RANBP2: variants seen among roughly 807,000 people sequenced by gnomAD.
RANBP2 encodes E3 SUMO-protein ligase RanBP2.
In RANBP2, 57 loss-of-function variants were observed where a neutral mutation model predicts 303.6. The ratio of observed to expected loss-of-function variants is 0.19; its 90% CI spans 0.15 to 0.23. RANBP2 has a LOEUF of 0.23. RANBP2 is among the 10% of genes least tolerant of loss of function. RANBP2 has a pLI of 1.00. For missense variants in RANBP2, 3,138 were observed against 3,780.8 expected, an observed-to-expected ratio of 0.83 and a Z score of 4.46; for synonymous variants, 1,167 against 1,301.5, an observed-to-expected ratio of 0.90 and a Z score of 2.23.
chr2:108,978,528 T>C, the RANBP2 span, among the ~76,000 whole-genome samples: 117,905 of 152,202 alleles, frequency 0.77, 47,208 homozygotes, highest in South Asian at 0.87. Flanking sequence ...TTAGGGAACA[T>C]GCAGATCCTC....
At chr2:108,843,294 A>T in the RANBP2 span, among the ~76,000 whole-genome samples, 1 of 152,022 alleles carries the variant, frequency 6.6e-6, no homozygotes, top group Non-Finnish European at 1.5e-5. Flanking sequence ...AGTAGCTGGG[A>T]TTACAGGCGC....
the RANBP2 span, among the ~76,000 whole-genome samples, chr2:109,178,692 A>C: frequency 6.6e-6 from 1 of 152,172 alleles, no homozygotes; most frequent in Non-Finnish European, 1.5e-5. Flanking sequence ...ACTTTGTCAA[A>C]GTTCTTGTGT....
chr2:109,276,153 T>A, the RANBP2 span, among the ~76,000 whole-genome samples: 2 of 152,108 alleles, frequency 1.3e-5, no homozygotes, highest in African/African-American at 4.8e-5. Context: ...AGGGTTCGAG[T>A]TAGGAGCAGG....
the RANBP2 span, among the ~76,000 whole-genome samples, chr2:109,001,946 G>T: frequency 1.3e-5 from 2 of 152,042 alleles, no homozygotes; most frequent in Non-Finnish European, 2.9e-5. Flanking sequence ...TAGCCAGGAT[G>T]GTCTCGATCT....
At chr2:109,094,694 G>T in the RANBP2 span, among the ~76,000 whole-genome samples, 1 of 152,164 alleles carries the variant, frequency 6.6e-6, no homozygotes, top group Non-Finnish European at 1.5e-5. Flanking sequence ...GCTAGGCATA[G>T]TGGTGGGTGC....
chr2:109,164,029 T>C, the RANBP2 span, among the ~76,000 whole-genome samples: 3 of 152,216 alleles, frequency 2.0e-5, no homozygotes, highest in Non-Finnish European at 4.4e-5. Flanking sequence ...AATGAGATTC[T>C]ACATGATTTT....
At chr2:109,112,848 A>G in the RANBP2 span, among the ~76,000 whole-genome samples, 1 of 152,242 alleles carries the variant, frequency 6.6e-6, no homozygotes, top group South Asian at 2.1e-4. Flanking sequence ...AGCTTTCTAC[A>G]TATGGCTAGC....
chr2:109,606,339 C>T, the RANBP2 span, among the ~76,000 whole-genome samples: 1,447 of 151,686 alleles, frequency 9.5e-3, 63 homozygotes, highest in East Asian at 0.13. Context: ...CGTTTGAACC[C>T]GGGAGGCAGA....
At chr2:109,211,324 T>G in the RANBP2 span, among the ~76,000 whole-genome samples, 1 of 152,226 alleles carries the variant, frequency 6.6e-6, no homozygotes, top group African/African-American at 2.4e-5. Context: ...TTAACATCTT[T>G]ATTAATAATG....
chr2:108,897,983 C>G, the RANBP2 span, among the ~76,000 whole-genome samples: 2 of 152,172 alleles, frequency 1.3e-5, no homozygotes, highest in Non-Finnish European at 2.9e-5. Context: ...AAATTCCAGA[C>G]ATGGGGCAGA....
chr2:109,313,808 G>A, the RANBP2 span, among the ~76,000 whole-genome samples: 1 of 152,256 alleles, frequency 6.6e-6, no homozygotes. Context: ...GAGTGAAACA[G>A]AGGGGCTTAT....
chr2:109,633,415 AAAAC>A, the RANBP2 span, among the ~76,000 whole-genome samples: 1 of 151,924 alleles, frequency 6.6e-6, no homozygotes, highest in Admixed American at 6.6e-5. Context: ...AAAACAAAAC[AAAAC>A]AAAACAAAAA....
chr2:109,088,535 C>G, the RANBP2 span, among the ~76,000 whole-genome samples: 3 of 151,650 alleles, frequency 2.0e-5, no homozygotes, highest in African/African-American at 7.3e-5. Flanking sequence ...TTTTTTGAGA[C>G]AAAGTTTCAC....
chr2:108,876,856 G>C, the RANBP2 span, among the ~76,000 whole-genome samples: 1 of 152,062 alleles, frequency 6.6e-6, no homozygotes, highest in Non-Finnish European at 1.5e-5. Flanking sequence ...ACATTGAAAG[G>C]TAAACAAAAA....
At chr2:109,057,353 A>G in the RANBP2 span, among the ~76,000 whole-genome samples, 5 of 152,226 alleles carry the variant, frequency 3.3e-5, no homozygotes, top group Non-Finnish European at 7.3e-5. Flanking sequence ...AGTGATGTAA[A>G]TGACAATGTG....
chr2:109,635,323 C>T, the RANBP2 span, among the ~76,000 whole-genome samples: 1 of 152,164 alleles, frequency 6.6e-6, no homozygotes, highest in Non-Finnish European at 1.5e-5. Context: ...GCTGGGATTA[C>T]AGGTGCATGC....
At chr2:108,791,212 AATACT>A in the RANBP2 span, among the ~76,000 whole-genome samples, 1 of 152,194 alleles carries the variant, frequency 6.6e-6, no homozygotes, top group Non-Finnish European at 1.5e-5. Flanking sequence ...GCTTTTGAAC[AATACT>A]ATTCCAAAAA....
chr2:109,073,528 G>A, the RANBP2 span, among the ~76,000 whole-genome samples: 1 of 142,140 alleles, frequency 7.0e-6, no homozygotes, highest in African/African-American at 2.5e-5. Context: ...AATTAGCTGG[G>A]TGTGGTGGCA....
chr2:109,436,813 A>G, the RANBP2 span: 17 of 1,528,822 alleles, frequency 1.1e-5, no homozygotes, highest in Non-Finnish European at 1.5e-5. Flanking sequence ...AGCAGGTCAG[A>G]GCGAGGCTCT....
Sources: allele counts gnomAD v4.1 joint callset (sites outside exome capture counted in the v4.1 genomes callset), GRCh38; gene constraint gnomAD v4.1.1; transcripts MANE v1.5; gene names NCBI Gene and HGNC (gene_info 2026-07-23, HGNC 2026-07-21).